The following JARID2 variants were observed in gnomAD, a reference collection of about 807,000 sequenced individuals.
JARID2 encodes the protein jumonji and AT-rich interaction domain containing 2.
Under a neutral mutation model 125.6 loss-of-function variants are expected in JARID2, and 21 were observed. That is an observed-to-expected ratio of 0.17 (90% confidence interval 0.12 to 0.24). JARID2 has a LOEUF of 0.24. Ranked by LOEUF, JARID2 falls within the 10% of genes least tolerant of loss-of-function variation. JARID2 has a pLI of 1.00. For missense variants in JARID2, 1,303 were observed against 1,639.6 expected, an observed-to-expected ratio of 0.79 and a Z score of 3.55; for synonymous variants, 736 against 661.6, an observed-to-expected ratio of 1.11 and a Z score of -1.73.
intron 5 of JARID2, among the ~76,000 whole-genome samples, chr6:15,473,082 C>T (rs933611124): frequency 5.3e-5 from 8 of 152,046 alleles, no homozygotes; most frequent in Non-Finnish European, 1.0e-4. Flanking sequence ...TACATGTTCC[C>T]GAAATTGCTG....
At chr6:15,313,404 G>T (rs1427885676) in intron 1 of JARID2, among the ~76,000 whole-genome samples, 1 of 152,188 alleles carries the variant, frequency 6.6e-6, no homozygotes, top group African/African-American at 2.4e-5. Flanking sequence ...ACATATCCCA[G>T]CTCCCCAAGC....
chr6:15,283,345 T>A (rs1268381806), intron 1 of JARID2, among the ~76,000 whole-genome samples: 1 of 148,714 alleles, frequency 6.7e-6, no homozygotes, highest in Non-Finnish European at 1.5e-5. Context: ...TTAAGTATTT[T>A]TTTTTTTTTT....
At chr6:15,259,530 G>C (rs1424689733) in intron 1 of JARID2, among the ~76,000 whole-genome samples, 1 of 152,210 alleles carries the variant, frequency 6.6e-6, no homozygotes, top group Non-Finnish European at 1.5e-5. Context: ...TCAAACTGAT[G>C]ATTTGGAGTG....
chr6:15,479,317 TCTTTCTGTTGTCCTGAC>T (rs564215620), intron 5 of JARID2, among the ~76,000 whole-genome samples: 55 of 152,354 alleles, frequency 3.6e-4, no homozygotes, highest in African/African-American at 1.3e-3. Context: ...TGATTTATGG[TCTTTCTGTTGTCCTGAC>T]CTTTATATTC....
intron 1 of JARID2, among the ~76,000 whole-genome samples, chr6:15,283,130 C>A (rs556482762): frequency 2.6e-5 from 4 of 151,592 alleles, no homozygotes; most frequent in East Asian, 3.9e-4. Flanking sequence ...AGGCGCCCGC[C>A]ACCACGCCCG....
At chr6:15,337,950 A>C (rs1162548646) in intron 1 of JARID2, among the ~76,000 whole-genome samples, 1 of 152,200 alleles carries the variant, frequency 6.6e-6, no homozygotes. Context: ...GCCAGGCAAC[A>C]GGCACAATGT....
At chr6:15,512,134 G>A (rs529436647) in intron 13 of JARID2, 74 bp from the exon 14 acceptor site, 24 of 1,288,894 alleles carry the variant, frequency 1.9e-5, no homozygotes, top group Admixed American at 6.2e-5. Context: ...CTTAGGGTGC[G>A]CATACGTCAC....
intron 2 of JARID2, among the ~76,000 whole-genome samples, chr6:15,403,476 TAG>T: frequency 6.6e-6 from 1 of 152,140 alleles, no homozygotes; most frequent in African/African-American, 2.4e-5. Flanking sequence ...TCTGAGGAAA[TAG>T]GAGATATCTG....
rs368718130 is a variant in JARID2, at chr6:15,367,593, T to C, written c.46-6524T>C. On this transcript the variant is annotated intron_variant, in intron 1 of 17. Coordinates refer to ENST00000341776, the MANE Select transcript of JARID2 (RefSeq NM_004973.4). ...TTACTTCCTGATCTGATATCTGCCA[T>C]GGACTGACTACCAATGCCACATTTG... Among the ~76,000 whole-genome samples the C allele has an allele frequency of 4.6e-5, 7 of 152,360 alleles. No homozygotes were observed. The East Asian group carries it at 1.3e-3, about 29-fold the overall frequency.
intron 2 of JARID2, chr6:15,400,717 G>A (rs1765394915): frequency 2.5e-6 from 2 of 793,954 alleles, no homozygotes; most frequent in Non-Finnish European, 1.5e-6. Flanking sequence ...TTTGGTGTTC[G>A]ATTCCCTCCC....
chr6:15,484,763 T>C (rs765966796), intron 5 of JARID2, among the ~76,000 whole-genome samples: 11 of 152,176 alleles, frequency 7.2e-5, no homozygotes, highest in Non-Finnish European at 1.5e-4. Flanking sequence ...GAAGTAATTA[T>C]AGAACTGGTG....
intron 1 of JARID2, among the ~76,000 whole-genome samples, chr6:15,327,504 C>T (rs1028309103): frequency 1.3e-5 from 2 of 151,512 alleles, no homozygotes; most frequent in African/African-American, 4.9e-5. Context: ...CTGCATTCAG[C>T]TGCCATCCCT....
At chr6:15,369,293 A>C (rs1280652653) in intron 1 of JARID2, 1 of 461,184 alleles carries the variant, frequency 2.2e-6, no homozygotes, top group Middle Eastern at 3.5e-4. Context: ...AGTGTTTTTT[A>C]CTAATTTTAG....
At chr6:15,256,183 C>T (rs761343290) in intron 1 of JARID2, among the ~76,000 whole-genome samples, 2 of 152,212 alleles carry the variant, frequency 1.3e-5, no homozygotes, top group Non-Finnish European at 2.9e-5. Flanking sequence ...GGCCTGCCGG[C>T]GGCCTTCCTA....
chr6:15,479,060 T>G (rs1207708339), intron 5 of JARID2, among the ~76,000 whole-genome samples: 2 of 152,214 alleles, frequency 1.3e-5, no homozygotes, highest in African/African-American at 2.4e-5. Context: ...TAACCTGCAG[T>G]TCTGTGCTCT....
At chr6:15,344,334 G>A (rs1013015187) in intron 1 of JARID2, among the ~76,000 whole-genome samples, 8 of 151,720 alleles carry the variant, frequency 5.3e-5, no homozygotes, top group Admixed American at 2.0e-4. Context: ...TGGCATATAG[G>A]AATTTCCCTA....
At chr6:15,447,808 A>G (rs1053420043) in intron 3 of JARID2, among the ~76,000 whole-genome samples, 1 of 152,236 alleles carries the variant, frequency 6.6e-6, no homozygotes, top group Non-Finnish European at 1.5e-5. Flanking sequence ...CGTGCTTGCC[A>G]GGTGACCTCC....
chr6:15,395,522 C>T (rs779899320), intron 2 of JARID2, among the ~76,000 whole-genome samples: 1 of 152,132 alleles, frequency 6.6e-6, no homozygotes, highest in Non-Finnish European at 1.5e-5. Context: ...GCCTCAGCCT[C>T]TCAAAGTGCT....
In JARID2 at chr6:15,496,229, C is replaced by G. The variant is rs753422776; in HGVS notation, c.1004C>G (p.Thr335Ser). 3.7e-6 allele frequency: 6 copies of G among 1,614,170 alleles called. No individual in the cohort carries two copies. Among genetic ancestry groups the G allele is most frequent in the East Asian group, 4.5e-5 (2 of 44,872 alleles). Reference sequence around the variant, plus strand: ...GAGGTCAGACCTTCACCATCCAAAACTGTGAAGTACACTGCCACGGTGACG... The same window carrying G: ...GAGGTCAGACCTTCACCATCCAAAAGTGTGAAGTACACTGCCACGGTGACG... ...MREVRPSPSK[T>S]VKYTATVTKG... The change falls in exon 7 of 18, where the codon ACT (threonine) becomes AGT (serine). Residue 335 changes from threonine to serine, a missense_variant. Around this residue, in one of 11 missense-constraint regions of JARID2, gnomAD observed 651 missense variants for 581.6 expected, o/e 1.12. Transcript: ENST00000341776.
Sources: allele counts gnomAD v4.1 joint callset (sites outside exome capture counted in the v4.1 genomes callset), GRCh38; gene constraint gnomAD v4.1.1; regional missense constraint gnomAD v4.1.1; transcripts MANE v1.5; gene names NCBI Gene and HGNC (gene_info 2026-07-23, HGNC 2026-07-21).